Variants in PLCE1 observed in about 807,000 individuals in gnomAD.
PLCE1 encodes the protein 1-phosphatidylinositol 4,5-bisphosphate phosphodiesterase epsilon-1.
A neutral mutation model predicts 242.8 loss-of-function variants in PLCE1; 119 were observed. The ratio of observed to expected loss-of-function variants is 0.49; its 90% confidence interval spans 0.42 to 0.57. The LOEUF is 0.57. Ranked by LOEUF, PLCE1 falls within the 20% of genes least tolerant of loss-of-function variation. The pLI, the probability that PLCE1 is intolerant of heterozygous loss-of-function variation, is 0.00. For synonymous variants in PLCE1, 945 were observed against 1,017.4 expected, an observed-to-expected ratio of 0.93 and a Z score of 1.35; for missense variants, 2,441 against 2,788.8, an observed-to-expected ratio of 0.88 and a Z score of 2.81.
At position 94,048,706 on chromosome 10, in the gene PLCE1, AT is replaced by A. The variant is rs2043673600; in HGVS notation, c.1206+16456del. ...ATATTTATAAATAATATAAATATAT[AT>A]TAAATATATATGTATATATGCACAT... On this transcript the variant is annotated intron_variant, in intron 2 of 32. Transcript: ENST00000371380. 3.4e-5 allele frequency among the ~76,000 whole-genome samples: 5 copies of A among 146,868 alleles called. No individual in the cohort carries two copies. The Admixed American group carries it at 3.4e-4, about 10-fold the overall frequency.
chr10:94,147,965 T>C (rs538257467), intron 3 of PLCE1, among the ~76,000 whole-genome samples: 9 of 152,318 alleles, frequency 5.9e-5, no homozygotes, highest in Non-Finnish European at 1.3e-4. Context: ...AGTGTTTACA[T>C]TGCAGCATGA....
intron 2 of PLCE1, among the ~76,000 whole-genome samples, chr10:94,061,540 A>G (rs1358707778): frequency 6.6e-6 from 1 of 152,196 alleles, no homozygotes; most frequent in Non-Finnish European, 1.5e-5. Flanking sequence ...TGACTTTTGT[A>G]CTTACATGAT....
intron 1 of PLCE1, among the ~76,000 whole-genome samples, chr10:93,996,739 G>C (rs2060831956): frequency 6.6e-6 from 1 of 152,186 alleles, no homozygotes; most frequent in South Asian, 2.1e-4. Flanking sequence ...AGCCCTCGGA[G>C]GCTACATTGT....
chr10:94,167,242 C>T (rs892074699), intron 3 of PLCE1, among the ~76,000 whole-genome samples: 12 of 152,148 alleles, frequency 7.9e-5, no homozygotes, highest in African/African-American at 2.7e-4. Context: ...TGCCACTGCA[C>T]TCCAGCCTGG....
intron 2 of PLCE1, chr10:94,104,871 A>T (rs1453228576): frequency 6.6e-6 from 1 of 152,212 alleles, no homozygotes; most frequent in Non-Finnish European, 1.5e-5. Flanking sequence ...ATGGAATGAA[A>T]TTATCTGAGT....
intron 13 of PLCE1, 71 bp downstream of exon 13, chr10:94,259,221 C>T (rs992526671): frequency 6.9e-7 from 1 of 1,456,356 alleles, no homozygotes; most frequent in Admixed American, 1.7e-5. Context: ...GGTCCAGTCA[C>T]ACAAACTCTG....
At chr10:94,100,555 G>C (rs1440972309) in intron 2 of PLCE1, 1 of 152,176 alleles carries the variant, frequency 6.6e-6, no homozygotes, top group Non-Finnish European at 1.5e-5. Context: ...GGGATATTTG[G>C]TGTAAAACAA....
At chr10:94,156,845 T>A (rs1410634422) in intron 3 of PLCE1, among the ~76,000 whole-genome samples, 2 of 152,094 alleles carry the variant, frequency 1.3e-5, no homozygotes, top group East Asian at 3.9e-4. Context: ...CTCCAAGAGA[T>A]TTAGGACCAT....
intron 4 of PLCE1, among the ~76,000 whole-genome samples, chr10:94,224,560 G>A (rs2049874920): frequency 6.6e-6 from 1 of 152,230 alleles, no homozygotes; most frequent in African/African-American, 2.4e-5. Flanking sequence ...AATGAGTTGG[G>A]TGGCTTTGAG....
chr10:94,083,599 A>G (rs1477799608), intron 2 of PLCE1, among the ~76,000 whole-genome samples: 1 of 152,210 alleles, frequency 6.6e-6, no homozygotes, highest in Non-Finnish European at 1.5e-5. Flanking sequence ...GCCTAAAGAT[A>G]GCCAACAGCA....
In PLCE1 at chr10:94,262,613, A is replaced by T. The variant is rs766108640; in HGVS notation, c.3934A>T (p.Thr1312Ser). The T allele has an allele frequency of 6.2e-7, 1 of 1,614,084 alleles. No homozygotes were observed. ...TGCTGCAAGCATTGTGACAAATGGC[A>T]CTGGGATTGAGAGCACATCTCTGGG... The part of the protein sequence containing the change: ...IAAASIVTNG[T>S]GIESTSLGIF... The change falls in exon 14 of 33, where the codon ACT becomes TCT. Residue 1312 changes from threonine to serine, a missense_variant. Coordinates refer to ENST00000371380, the MANE Select transcript of PLCE1 (RefSeq NM_016341.4).
intron 27 of PLCE1, among the ~76,000 whole-genome samples, chr10:94,311,809 C>T (rs2053395226): frequency 6.6e-6 from 1 of 152,118 alleles, no homozygotes; most frequent in African/African-American, 2.4e-5. Context: ...CTGTGGAAAA[C>T]CCTCCATCAG....
chr10:94,229,542 A>G (rs545807126), intron 5 of PLCE1, among the ~76,000 whole-genome samples: 1 of 152,322 alleles, frequency 6.6e-6, no homozygotes, highest in Non-Finnish European at 1.5e-5. Flanking sequence ...GCACAAAGCC[A>G]CAAAATCAGG....
chr10:94,025,815 C>T (rs143130684), intron 1 of PLCE1, among the ~76,000 whole-genome samples: 34 of 152,298 alleles, frequency 2.2e-4, no homozygotes, highest in African/African-American at 8.2e-4. Context: ...GCTATCAAGC[C>T]TCCCACATAG....
intron 2 of PLCE1, chr10:94,089,286 G>T: frequency 6.2e-7 from 1 of 1,614,052 alleles, no homozygotes; most frequent in Non-Finnish European, 8.5e-7. Context: ...CAGCTGTCTT[G>T]AAGGTTGGTT....
In PLCE1 at chr10:94,246,504, C is replaced by G; in HGVS notation, c.2979C>G (p.His993Gln). The G allele has an allele frequency of 1.2e-6, 2 of 1,614,158 alleles. No individual in the cohort carries two copies. Among genetic ancestry groups the G allele is most frequent in the Non-Finnish European group, 1.7e-6 (2 of 1,179,998 alleles). The stretch of plus-strand genomic sequence containing the variant: ...TATTGCACTTCGTGGCACCAAAGCA[C>G]ACAGCTAAAATGCTCTTCAGCGGAT... ...NRLLHFVAPK[H>Q]TAKMLFSGLL... Residue 993 changes from histidine to glutamine, a missense_variant, in exon 8 of 33, where the codon CAC (histidine) becomes CAG (glutamine). Around this residue, in one of 5 missense-constraint regions of PLCE1, gnomAD observed 1,004 missense variants for 1,322.7 expected, o/e 0.76. Coordinates refer to ENST00000371380, the MANE Select transcript of PLCE1 (RefSeq NM_016341.4).
chr10:94,048,700 A>G (rs539145210), intron 2 of PLCE1, among the ~76,000 whole-genome samples: 1 of 144,554 alleles, frequency 6.9e-6, no homozygotes, highest in Non-Finnish European at 1.5e-5. Context: ...AATAATATAA[A>G]TATATATTAA....
intron 2 of PLCE1, among the ~76,000 whole-genome samples, chr10:94,124,168 T>A (rs1207050057): frequency 6.6e-6 from 1 of 151,800 alleles, no homozygotes; most frequent in Admixed American, 6.6e-5. Context: ...TTGCTTGAGC[T>A]CAGGAGTTTG....
In PLCE1 at chr10:94,226,831, C is replaced by CTTTT. The variant is rs1177112312; in HGVS notation, c.1810-452_1810-449dup. Reference sequence around the variant, plus strand: ...TATAAGAGATTAAGGACCTATAGGTCTTTTTTTTTTTTTTTTTTTTTTTTT... The same window carrying CTTTT: ...TATAAGAGATTAAGGACCTATAGGTCTTTTTTTTTTTTTTTTTTTTTTTTTTTTT... On this transcript the variant is annotated intron_variant, in intron 4 of 32. Transcript: ENST00000371380. Among the ~76,000 whole-genome samples the CTTTT allele has an allele frequency of 2.6e-4, 26 of 101,814 alleles. 4 individuals are homozygous for CTTTT. Among genetic ancestry groups the CTTTT allele is most frequent in the African/African-American group, 7.0e-4 (18 of 25,876 alleles). The allele number at this position is 101,814 out of a possible 152,430, so 66.8% of individuals were successfully genotyped here.
Sources: allele counts gnomAD v4.1 joint callset (sites outside exome capture counted in the v4.1 genomes callset), GRCh38; gene constraint gnomAD v4.1.1; regional missense constraint gnomAD v4.1.1; transcripts MANE v1.5; gene names NCBI Gene and HGNC (gene_info 2026-07-23, HGNC 2026-07-21).